Variants in KCNJ6 observed in about 807,000 individuals in gnomAD.
KCNJ6 encodes the protein G protein-activated inward rectifier potassium channel 2.
In KCNJ6, 9 loss-of-function variants were observed where a neutral mutation model predicts 34.2. The ratio of observed to expected loss-of-function variants is 0.26; its 90% CI spans 0.16 to 0.46. KCNJ6 has a LOEUF of 0.46. Ranked by LOEUF, KCNJ6 falls within the 20% of genes least tolerant of loss-of-function variation. The pLI is 1.00. For synonymous variants in KCNJ6, 196 were observed against 207.1 expected, an observed-to-expected ratio of 0.95 and a Z score of 0.46; for missense variants, 236 against 531.3, an observed-to-expected ratio of 0.44 and a Z score of 5.46.
At chr21:37,756,837 A>G (rs2055030098) in intron 2 of KCNJ6, among the ~76,000 whole-genome samples, 2 of 150,582 alleles carry the variant, frequency 1.3e-5, no homozygotes, top group East Asian at 2.0e-4. Flanking sequence ...TGATGATTCC[A>G]GCCCAGAGTG....
chr21:37,635,012 CT>C (rs1270844911), intron 3 of KCNJ6, among the ~76,000 whole-genome samples: 1 of 152,030 alleles, frequency 6.6e-6, no homozygotes, highest in Non-Finnish European at 1.5e-5. Flanking sequence ...CCACCTTGGC[CT>C]CCCAAAGTGT....
chr21:37,896,633 G>A (rs564198131), intron 1 of KCNJ6, among the ~76,000 whole-genome samples: 1 of 152,164 alleles, frequency 6.6e-6, no homozygotes, highest in East Asian at 1.9e-4. Context: ...GGGCAGAGCT[G>A]TCACCCCCGA....
rs2054237683 is a variant in KCNJ6, at chr21:37,610,130, A to T, written c.*15029T>A. On this transcript the variant is annotated 3_prime_UTR_variant, in exon 4 of 4. Coordinates refer to ENST00000609713, the MANE Select transcript of KCNJ6 (RefSeq NM_002240.5). ...TAAATGATGAAAACAGCTGAGACTT[A>T]AAGCTGAACCATCTGGGGTCATTTA... is the stretch of plus-strand genomic sequence containing the variant. 1.3e-5 allele frequency: 2 copies of T among 152,208 alleles called. No individual in the cohort carries two copies. 9.4% of individuals were successfully genotyped at this position (152,208 alleles called of 1,614,324 possible).
At chr21:37,738,070 C>T (rs2054922251) in intron 2 of KCNJ6, among the ~76,000 whole-genome samples, 2 of 152,208 alleles carry the variant, frequency 1.3e-5, no homozygotes, top group African/African-American at 4.8e-5. Context: ...TTAATGCTCA[C>T]ACTCTTTTTT....
intron 1 of KCNJ6, among the ~76,000 whole-genome samples, chr21:37,864,265 C>T (rs556260633): frequency 1.3e-5 from 2 of 152,172 alleles, no homozygotes; most frequent in East Asian, 1.9e-4. Flanking sequence ...GTGTGCACCA[C>T]CATGCCTGGT....
At chr21:37,890,332 T>G (rs1231226782) in intron 1 of KCNJ6, among the ~76,000 whole-genome samples, 1 of 152,134 alleles carries the variant, frequency 6.6e-6, no homozygotes, top group African/African-American at 2.4e-5. Context: ...CCCCCATGAT[T>G]CAATTACTTC....
chr21:37,912,010 A>G (rs774016588), intron 1 of KCNJ6, among the ~76,000 whole-genome samples: 2 of 152,208 alleles, frequency 1.3e-5, no homozygotes, highest in Non-Finnish European at 2.9e-5. Context: ...AAGCCCTTCT[A>G]TATTCTCAAG....
At chr21:37,673,715 G>A (rs2054551966) in intron 3 of KCNJ6, among the ~76,000 whole-genome samples, 1 of 152,164 alleles carries the variant, frequency 6.6e-6, no homozygotes, top group African/African-American at 2.4e-5. Context: ...AGTTAGAGGG[G>A]GACAGGGAAG....
chr21:37,833,038 G>C (rs1350473389), intron 2 of KCNJ6, among the ~76,000 whole-genome samples: 2 of 151,594 alleles, frequency 1.3e-5, no homozygotes, highest in Non-Finnish European at 2.9e-5. Context: ...TTTTGAGATG[G>C]AGTTTCACTC....
intron 2 of KCNJ6, among the ~76,000 whole-genome samples, chr21:37,755,088 G>A (rs550493455): frequency 9.9e-5 from 15 of 152,268 alleles, no homozygotes; most frequent in African/African-American, 3.1e-4. Context: ...TTAAGGACCC[G>A]AGCGAGACCC....
chr21:37,866,661 G>A (rs946469353), intron 1 of KCNJ6, among the ~76,000 whole-genome samples: 4 of 152,068 alleles, frequency 2.6e-5, no homozygotes, highest in Non-Finnish European at 1.5e-5. Flanking sequence ...TAAGTACAGA[G>A]AATGTCAAAA....
intron 2 of KCNJ6, among the ~76,000 whole-genome samples, chr21:37,787,901 T>G (rs2123518894): frequency 6.6e-6 from 1 of 152,324 alleles, no homozygotes; most frequent in Admixed American, 6.5e-5. Context: ...TGACTTTAAT[T>G]AATAATAATA....
At chr21:37,706,137 G>A (rs1235621225) in intron 3 of KCNJ6, among the ~76,000 whole-genome samples, 1 of 152,158 alleles carries the variant, frequency 6.6e-6, no homozygotes, top group Non-Finnish European at 1.5e-5. Context: ...ACCTCTTAAT[G>A]TTTCTATTGA....
rs559357614 is a variant in KCNJ6, at chr21:37,809,361, T to A, written c.25+31297A>T. 2.8e-3 allele frequency among the ~76,000 whole-genome samples: 402 copies of A among 146,170 alleles called. 3 individuals carry two copies. Among genetic ancestry groups the A allele is most frequent in the Non-Finnish European group, 4.6e-3 (308 of 66,664 alleles). Reference sequence around the variant, plus strand: ...GGACACAGGAAGGGGAACATCACACTCCGGGGCCTGTTGTGGGGTGGGGAG... The same window carrying A: ...GGACACAGGAAGGGGAACATCACACACCGGGGCCTGTTGTGGGGTGGGGAG... On this transcript the variant is annotated intron_variant, in intron 2 of 3. Coordinates refer to ENST00000609713, the MANE Select transcript of KCNJ6 (RefSeq NM_002240.5).
chr21:37,886,615 T>C (rs185875270), intron 1 of KCNJ6, among the ~76,000 whole-genome samples: 1 of 152,206 alleles, frequency 6.6e-6, no homozygotes, highest in Non-Finnish European at 1.5e-5. Context: ...CTTTTAAGTA[T>C]AACCTACGAT....
intron 2 of KCNJ6, among the ~76,000 whole-genome samples, chr21:37,748,895 C>A (rs2054980714): frequency 6.6e-6 from 1 of 152,048 alleles, no homozygotes; most frequent in African/African-American, 2.4e-5. Flanking sequence ...GTGGGAGAGA[C>A]CTACATATGA....
intron 1 of KCNJ6, among the ~76,000 whole-genome samples, chr21:37,894,681 T>A (rs1414998082): frequency 6.6e-6 from 1 of 151,420 alleles, no homozygotes; most frequent in Non-Finnish European, 1.5e-5. Context: ...AAAAAAAAAA[T>A]CAACATTGTA....
At chr21:37,879,136 G>A (rs2055693748) in intron 1 of KCNJ6, among the ~76,000 whole-genome samples, 1 of 152,156 alleles carries the variant, frequency 6.6e-6, no homozygotes, top group Non-Finnish European at 1.5e-5. Flanking sequence ...GTACAGTAGT[G>A]AGCTGAGTAC....
intron 2 of KCNJ6, among the ~76,000 whole-genome samples, chr21:37,737,087 T>C (rs2054916875): frequency 6.6e-6 from 1 of 152,214 alleles, no homozygotes; most frequent in South Asian, 2.1e-4. Context: ...TGTACTGATA[T>C]GTTACGGGGG....
Sources: gnomAD v4.1 joint callset for allele counts (sites outside exome capture counted in the v4.1 genomes callset) on GRCh38, gnomAD v4.1.1 for gene constraint, MANE v1.5 for transcripts, NCBI Gene and HGNC (gene_info 2026-07-23, HGNC 2026-07-21) for gene names.